VAV2: variants seen among roughly 807,000 people sequenced by gnomAD.
VAV2 encodes vav guanine nucleotide exchange factor 2, also known as guanine nucleotide exchange factor VAV2.
In VAV2, 67 loss-of-function variants were observed where a neutral mutation model predicts 132.5. The observed-to-expected ratio is 0.51, with a 90% CI of 0.42 to 0.62. VAV2 has a LOEUF of 0.62. Among genes scored for constraint, VAV2 ranks in the 20% least tolerant of loss-of-function variants. VAV2 has a pLI of 0.00. For synonymous variants in VAV2, 492 were observed against 443.5 expected, an observed-to-expected ratio of 1.11 and a Z score of -1.37; for missense variants, 938 against 1,153.6, an observed-to-expected ratio of 0.81 and a Z score of 2.71.
intron 1 of VAV2, among the ~76,000 whole-genome samples, chr9:133,959,747 T>A (rs964131319): frequency 5.3e-5 from 8 of 151,988 alleles, no homozygotes; most frequent in African/African-American, 1.9e-4. Context: ...ATGACCAGCA[T>A]CCTCTTAAGA....
chr9:133,815,516 C>T lies in VAV2; in HGVS notation c.450-3300G>A, dbSNP rs1683627850. On this transcript the variant is annotated intron_variant, in intron 4 of 29. Transcript: ENST00000371850. Reference sequence around the variant, plus strand: ...TGACTGTTCTTCACCACAGACGAGCCTTGTCTGTAGAATGTCAACGGTGTT... The same window carrying T: ...TGACTGTTCTTCACCACAGACGAGCTTTGTCTGTAGAATGTCAACGGTGTT... Among the ~76,000 whole-genome samples, 3 of 152,106 alleles carry T rather than the reference C, an allele frequency of 2.0e-5. No homozygotes were observed. The South Asian group carries it at 6.2e-4, about 32-fold the overall frequency.
rs900758777 is a variant in VAV2, at chr9:133,977,884, G to A, written c.204+14191C>T. 2.6e-5 allele frequency among the ~76,000 whole-genome samples: 4 copies of A among 152,324 alleles called. No homozygotes were observed. The East Asian group carries it at 7.7e-4, about 29-fold the overall frequency. ...AGGTGGCTCAGTACCTCAGGCCTCT[G>A]CCCCTCAGCTGGCAAAGGGGATGGG... is the stretch of plus-strand genomic sequence containing the variant. On this transcript the variant is annotated intron_variant, in intron 1 of 29. Transcript: ENST00000371850.
chr9:133,874,405 G>C (rs1384383461), intron 2 of VAV2, among the ~76,000 whole-genome samples: 1 of 150,614 alleles, frequency 6.6e-6, no homozygotes, highest in African/African-American at 2.4e-5. Context: ...AAAAAGCGGG[G>C]ATAAAGGTGG....
At chr9:133,764,162 G>C in intron 29 of VAV2, 53 bp from the exon 30 acceptor site, 1 of 1,610,828 alleles carries the variant, frequency 6.2e-7, no homozygotes, top group Non-Finnish European at 8.5e-7. Context: ...GTGTAAGCAG[G>C]TGTGTGCATG....
At position 133,778,844 on chromosome 9, in the gene VAV2, G is replaced by A. The variant is rs753165273; in HGVS notation, c.1808C>T (p.Pro603Leu). 4.3e-6 allele frequency: 7 copies of A among 1,612,832 alleles called. No individual in the cohort carries two copies. The highest frequency in any genetic ancestry group is 2.2e-5 in the South Asian group (2 of 91,080). ...AMQNYHGNPA[P>L]PGKPVLTFQT... ...GAAGGTCAGCACAGGCTTCCCGGGA[G>A]GGGCTGGGTTGCCATGGTAATTCTG... is the stretch of plus-strand genomic sequence containing the variant. The change falls in exon 22 of 30, where the codon CCT becomes CTT. Residue 603 changes from proline (P) to leucine (L), a missense_variant. Physicochemically the swap from Pro to Leu is moderately conservative, Grantham distance 98 (BLOSUM62 -3). Transcript: ENST00000371850.
chr9:133,772,789 C>T (rs535231480), intron 25 of VAV2, among the ~76,000 whole-genome samples: 4 of 152,200 alleles, frequency 2.6e-5, no homozygotes, highest in Admixed American at 6.5e-5. Flanking sequence ...CAGGCAGGTG[C>T]TTCCATCACT....
intron 23 of VAV2, 89 bp from the exon 24 acceptor site, chr9:133,776,169 T>A: frequency 6.5e-7 from 1 of 1,540,930 alleles, no homozygotes; most frequent in Non-Finnish European, 8.8e-7. Context: ...GACTGCCCTG[T>A]CCCCACATTG....
chr9:133,875,997 C>T (rs1363232953), intron 2 of VAV2, among the ~76,000 whole-genome samples: 1 of 152,260 alleles, frequency 6.6e-6, no homozygotes, highest in Non-Finnish European at 1.5e-5. Context: ...GCACAGCCAT[C>T]ATCTCCTGCC....
intron 13 of VAV2, among the ~76,000 whole-genome samples, chr9:133,789,924 A>T (rs1334088938): frequency 6.6e-6 from 1 of 152,234 alleles, no homozygotes; most frequent in Non-Finnish European, 1.5e-5. Context: ...GAAAAGGTGG[A>T]GGAAAATGCT....
At chr9:133,934,760 C>T (rs1309350792) in intron 2 of VAV2, among the ~76,000 whole-genome samples, 1 of 152,114 alleles carries the variant, frequency 6.6e-6, no homozygotes, top group African/African-American at 2.4e-5. Flanking sequence ...GTCTCCACCT[C>T]GCAGAAAGCC....
At chr9:133,852,696 G>A (rs1775452057) in intron 3 of VAV2, among the ~76,000 whole-genome samples, 1 of 151,688 alleles carries the variant, frequency 6.6e-6, no homozygotes, top group Non-Finnish European at 1.5e-5. Flanking sequence ...CAGCAAGAGG[G>A]AGCTCATCTA....
Position 133,926,800 on chromosome 9 carries a change from C to T in VAV2, c.321+12303G>A, listed in dbSNP as rs1221513973. Among the ~76,000 whole-genome samples the T allele has an allele frequency of 6.6e-6, 1 of 152,166 alleles. No homozygotes were observed. Among genetic ancestry groups the T allele is most frequent in the Non-Finnish European group, 1.5e-5 (1 of 68,028 alleles). On this transcript the variant is annotated intron_variant, in intron 2 of 29. Coordinates refer to ENST00000371850, the MANE Select transcript of VAV2 (RefSeq NM_001134398.2). The surrounding 1 kb of genome is among the most constrained non-coding windows in gnomAD (Gnocchi z 4.3). ...CCTGGCTCCCTGTCTTCCCAGGCTC[C>T]GATCATCTGAGGCTGCATGTCCTGG...
At position 133,883,478 on chromosome 9, in the gene VAV2, C is replaced by T. The variant is rs1012400980; in HGVS notation, c.322-22046G>A. Among the ~76,000 whole-genome samples the T allele has an allele frequency of 6.6e-6, 1 of 152,154 alleles. No individual in the cohort carries two copies. On this transcript the variant is annotated intron_variant, in intron 2 of 29. Coordinates refer to ENST00000371850, the MANE Select transcript of VAV2 (RefSeq NM_001134398.2). This position sits in a 1 kb window ranked among gnomAD's most constrained non-coding sequence, Gnocchi z 4.2. ...TCAGCCACTTAAAAATTCGTCGGAA[C>T]ATGTTGAAACAATGAGGGGATAGAA...
chr9:133,937,350 A>AGTGTGTGT (rs1024075900), intron 2 of VAV2, among the ~76,000 whole-genome samples: 4 of 151,188 alleles, frequency 2.6e-5, no homozygotes, highest in Non-Finnish European at 5.9e-5. Flanking sequence ...GACGGGTTCA[A>AGTGTGTGT]GTGTGTGTAT....
At chr9:133,898,921 T>A (rs1428458199) in intron 2 of VAV2, among the ~76,000 whole-genome samples, 1 of 150,024 alleles carries the variant, frequency 6.7e-6, no homozygotes, top group East Asian at 2.1e-4. Context: ...TCCAGGGTTC[T>A]CACCATTCTC....
intron 25 of VAV2, 40 bp downstream of exon 25, chr9:133,774,895 T>C (rs368185730): frequency 9.9e-5 from 154 of 1,560,234 alleles, no homozygotes; most frequent in African/African-American, 2.7e-4. Context: ...CAGAACGGCA[T>C]TGGGGGATGG....
In VAV2 at chr9:133,848,508, A is replaced by G. The variant is rs1226758432; in HGVS notation, c.380+12866T>C. Among the ~76,000 whole-genome samples the G allele has an allele frequency of 4.6e-5, 7 of 152,348 alleles. No individual in the cohort carries two copies. The South Asian group carries it at 1.2e-3, about 27-fold the overall frequency. On this transcript the variant is annotated intron_variant, in intron 3 of 29. Coordinates refer to ENST00000371850, the MANE Select transcript of VAV2 (RefSeq NM_001134398.2). ...TTCAAAGTAATTACAAGTTAAATTA[A>G]TGCATCAATAAAGATAATAGGGAAA...
chr9:133,945,693 GT>G (rs566560921), intron 1 of VAV2, among the ~76,000 whole-genome samples: 244 of 152,332 alleles, frequency 1.6e-3, no homozygotes, highest in Non-Finnish European at 2.9e-3. Flanking sequence ...CCAAGCTGGG[GT>G]CTCCAGATCG....
At chr9:133,941,311 G>A (rs954760480) in intron 1 of VAV2, among the ~76,000 whole-genome samples, 13 of 151,912 alleles carry the variant, frequency 8.6e-5, no homozygotes, top group South Asian at 2.1e-4. Flanking sequence ...GGGAGGCTGC[G>A]GCAAGAGAAT....
Sources: gnomAD v4.1 joint callset for allele counts (sites outside exome capture counted in the v4.1 genomes callset) on GRCh38, gnomAD v4.1.1 for gene constraint, Gnocchi (gnomAD v3.1) non-coding constraint, MANE v1.5 for transcripts, NCBI Gene and HGNC (gene_info 2026-07-23, HGNC 2026-07-21) for gene names.